The following NKAIN3 variants were observed in gnomAD, a reference collection of about 807,000 sequenced individuals.
The protein encoded by NKAIN3 is sodium/potassium transporting ATPase interacting 3.
In NKAIN3, 25 loss-of-function variants were observed where a neutral mutation model predicts 30.2. The observed-to-expected ratio is 0.83, with a 90% CI of 0.60 to 1.16. The LOEUF (loss-of-function observed/expected upper bound fraction) is 1.16. Ranked by LOEUF, NKAIN3 falls within the 50% of genes most tolerant of loss-of-function variation. The pLI is 0.00. For missense variants in NKAIN3, 225 were observed against 254.1 expected (o/e 0.89, Z 0.78); for synonymous variants, 91 against 89.6 (o/e 1.02, Z -0.09).
intron 3 of NKAIN3, among the ~76,000 whole-genome samples, chr8:62,703,803 G>A (rs1211448151): frequency 6.6e-6 from 1 of 152,142 alleles, no homozygotes; most frequent in Non-Finnish European, 1.5e-5. Context: ...AAAATGCTGG[G>A]CATAACATCA....
chr8:62,570,068 T>C (rs1585959312), intron 1 of NKAIN3, among the ~76,000 whole-genome samples: 1 of 152,216 alleles, frequency 6.6e-6, no homozygotes, highest in Non-Finnish European at 1.5e-5. Context: ...TTTCATTGTG[T>C]CTACCTGTAG....
chr8:62,444,172 A>C (rs1805413993), intron 1 of NKAIN3, among the ~76,000 whole-genome samples: 1 of 152,134 alleles, frequency 6.6e-6, no homozygotes, highest in African/African-American at 2.4e-5. Context: ...TATATAATAT[A>C]TAATATGTGA....
intron 3 of NKAIN3, among the ~76,000 whole-genome samples, chr8:62,682,803 C>A (rs1478761229): frequency 6.6e-6 from 1 of 151,988 alleles, no homozygotes; most frequent in Admixed American, 6.6e-5. Context: ...AACCACACCC[C>A]CATCCCTCAA....
chr8:62,668,591 C>T (rs550503504), intron 3 of NKAIN3, among the ~76,000 whole-genome samples: 8 of 152,188 alleles, frequency 5.3e-5, no homozygotes, highest in East Asian at 3.9e-4. Context: ...TTCCACACTG[C>T]GCAATCATCT....
chr8:62,642,339 C>T (rs1019855163), intron 3 of NKAIN3, among the ~76,000 whole-genome samples: 4 of 152,104 alleles, frequency 2.6e-5, no homozygotes, highest in African/African-American at 9.7e-5. Context: ...TACTAATGGG[C>T]ACAGTCCATT....
intron 1 of NKAIN3, among the ~76,000 whole-genome samples, chr8:62,274,102 G>C (rs1415514204): frequency 6.6e-6 from 1 of 152,132 alleles, no homozygotes; most frequent in African/African-American, 2.4e-5. Context: ...GATGCCTATG[G>C]CTGGAGAGTG....
intron 1 of NKAIN3, among the ~76,000 whole-genome samples, chr8:62,541,461 G>A (rs1287151071): frequency 6.6e-6 from 1 of 152,144 alleles, no homozygotes; most frequent in Non-Finnish European, 1.5e-5. Context: ...GTTCTGAAAT[G>A]TCCTAACAAT....
intron 1 of NKAIN3, among the ~76,000 whole-genome samples, chr8:62,345,450 C>CACAT (rs1815930296): frequency 1.3e-5 from 1 of 78,036 alleles, no homozygotes; most frequent in Non-Finnish European, 2.5e-5. Context: ...TATATACACA[C>CACAT]ATATGTATAT....
At chr8:62,383,482 T>C (rs989575353) in intron 1 of NKAIN3, 15 of 455,088 alleles carry the variant, frequency 3.3e-5, no homozygotes, top group Admixed American at 1.6e-4. Context: ...AATAGGGCAC[T>C]TTTGTCTGCA....
intron 1 of NKAIN3, among the ~76,000 whole-genome samples, chr8:62,543,280 A>G (rs1808901659): frequency 6.6e-6 from 1 of 152,170 alleles, no homozygotes; most frequent in African/African-American, 2.4e-5. Flanking sequence ...CTAGCATTTC[A>G]GGCTACTAGC....
Position 62,851,468 on chromosome 8 carries a change from C to T in NKAIN3, c.472-66985C>T, listed in dbSNP as rs184795014. Among the ~76,000 whole-genome samples, 271 of 152,256 alleles carry T rather than the reference C, an allele frequency of 1.8e-3. 1 individual carries two copies. The Middle Eastern group carries it at 0.02, about 11-fold the overall frequency. On this transcript the variant is annotated intron_variant, in intron 4 of 6. Transcript: ENST00000623646. ...TTTATTTCCTTCTCCTGCCTGATTG[C>T]CCTGGCCAGAACTTCCAACACTATT... is the stretch of plus-strand genomic sequence containing the variant.
At chr8:62,898,555 A>C (rs762456911) in intron 4 of NKAIN3, among the ~76,000 whole-genome samples, 2 of 152,108 alleles carry the variant, frequency 1.3e-5, no homozygotes, top group Non-Finnish European at 2.9e-5. Flanking sequence ...TTGGAGACTC[A>C]GAAGGGAGGA....
intron 1 of NKAIN3, among the ~76,000 whole-genome samples, chr8:62,282,992 C>T (rs563139765): frequency 2.0e-5 from 3 of 152,226 alleles, no homozygotes; most frequent in East Asian, 1.9e-4. Flanking sequence ...GCTTTGAAGC[C>T]GTGTTGAGTT....
intron 4 of NKAIN3, among the ~76,000 whole-genome samples, chr8:62,755,955 G>A (rs1816438446): frequency 6.6e-6 from 1 of 152,132 alleles, no homozygotes; most frequent in African/African-American, 2.4e-5. Flanking sequence ...GGTACACCTG[G>A]TCAGTCAAAT....
rs141607913 is a variant in NKAIN3, at chr8:62,721,555, G to A, written c.274-25377G>A. Among the ~76,000 whole-genome samples, 9 of 152,242 alleles carry A rather than the reference G, an allele frequency of 5.9e-5. No homozygotes were observed. The East Asian group carries it at 1.7e-3, about 29-fold the overall frequency. ...TTAAGTCTCACTCACTGGGTCTGTG[G>A]TACAACTGCTGGCTTTGTGCACTAT... On this transcript the variant is annotated intron_variant, in intron 3 of 6. Coordinates refer to ENST00000623646, the MANE Select transcript of NKAIN3 (RefSeq NM_001304533.3).
Position 62,966,062 on chromosome 8 carries a change from G to A in NKAIN3, c.*655G>A. ...ATATATATATATATGTAGGCACATG[G>A]AAGAGTAAAAGGATTAGTAGAACCC... On this transcript the variant is annotated 3_prime_UTR_variant, in exon 7 of 7. Coordinates refer to ENST00000623646, the MANE Select transcript of NKAIN3 (RefSeq NM_001304533.3). The A allele has an allele frequency of 1.0e-6, 1 of 983,374 alleles. No homozygotes were observed. Among genetic ancestry groups the A allele is most frequent in the Non-Finnish European group, 1.2e-6 (1 of 828,158 alleles). 60.9% of individuals were successfully genotyped at this position (983,374 alleles called of 1,614,324 possible). A position where few individuals can be genotyped will look rare whatever the true frequency, so the allele number is the denominator to read the frequency against.
chr8:62,692,770 T>A (rs1398961243), intron 3 of NKAIN3, among the ~76,000 whole-genome samples: 1 of 152,228 alleles, frequency 6.6e-6, no homozygotes, highest in South Asian at 2.1e-4. Context: ...TGTTCAAAAA[T>A]ACCTCCTCAA....
At chr8:62,353,725 C>G (rs1816254777) in intron 1 of NKAIN3, among the ~76,000 whole-genome samples, 1 of 152,106 alleles carries the variant, frequency 6.6e-6, no homozygotes, top group African/African-American at 2.4e-5. Flanking sequence ...AAATTTCCTA[C>G]CCTTATAGAG....
At chr8:62,465,609 A>T (rs1309116701) in intron 1 of NKAIN3, among the ~76,000 whole-genome samples, 1 of 152,194 alleles carries the variant, frequency 6.6e-6, no homozygotes, top group Non-Finnish European at 1.5e-5. Context: ...TCATTCAGTA[A>T]ACATTTATTC....
Sources: allele counts gnomAD v4.1 joint callset (sites outside exome capture counted in the v4.1 genomes callset), GRCh38; gene constraint gnomAD v4.1.1; transcripts MANE v1.5; gene names NCBI Gene and HGNC (gene_info 2026-07-23, HGNC 2026-07-21).